The following TAPT1 variants were observed in gnomAD, a reference collection of about 807,000 sequenced individuals.
TAPT1 encodes transmembrane anterior posterior transformation protein 1 homolog.
In TAPT1, 28 loss-of-function variants were observed where a neutral mutation model predicts 65.6. The ratio of observed to expected loss-of-function variants is 0.43; its 90% CI spans 0.32 to 0.59. TAPT1 has a LOEUF of 0.59. Ranked by LOEUF, TAPT1 falls within the 20% of genes least tolerant of loss-of-function variation. The pLI is 0.09. For missense variants in TAPT1, 563 were observed against 679.9 expected (o/e 0.83, Z 1.91); for synonymous variants, 278 against 245.2 (o/e 1.13, Z -1.25).
Position 16,186,761 on chromosome 4 carries a change from A to T in TAPT1, c.846+20T>A, listed in dbSNP as rs1237295825. On this transcript the variant is annotated intron_variant, in intron 6 of 13. Transcript: ENST00000405303. ...AATGCCTGTATAACTTCAAAAATGT[A>T]AGATAAATCTCATACTTACATTATT... The T allele has an allele frequency of 6.5e-7, 1 of 1,546,306 alleles. No homozygotes were observed. The highest frequency in any genetic ancestry group is 8.9e-7 in the Non-Finnish European group (1 of 1,122,096).
intron 12 of TAPT1, among the ~76,000 whole-genome samples, chr4:16,167,134 C>T (rs932234670): frequency 6.6e-6 from 1 of 151,630 alleles, no homozygotes; most frequent in African/African-American, 2.4e-5. Flanking sequence ...GCTGGGATTA[C>T]AGGCATCCGC....
At chr4:16,210,631 G>A (rs1750597344) in intron 2 of TAPT1, among the ~76,000 whole-genome samples, 2 of 152,192 alleles carry the variant, frequency 1.3e-5, no homozygotes. Context: ...CAACTGTGAA[G>A]CCAAGACTCA....
intron 2 of TAPT1, among the ~76,000 whole-genome samples, 162 bp from the exon 3 acceptor site, chr4:16,202,742 T>C (rs1053816772): frequency 8.5e-5 from 13 of 152,168 alleles, no homozygotes; most frequent in Admixed American, 3.3e-4. Flanking sequence ...AAAGAGTGAG[T>C]CTGTGCTTCC....
chr4:16,166,804 A>G lies in TAPT1; in HGVS notation c.1314-11T>C, dbSNP rs1310941037. On this transcript the variant is annotated splice_polypyrimidine_tract_variant and intron_variant, in intron 12 of 13. Coordinates refer to ENST00000405303, the MANE Select transcript of TAPT1 (RefSeq NM_153365.3). ...TTCAGGGATATCAACCTAAAAACAG[A>G]AACAAAACAAACCACATCCGTTGGA... is the stretch of plus-strand genomic sequence containing the variant. 1.2e-6 allele frequency: 2 copies of G among 1,612,352 alleles called. No individual in the cohort carries two copies. Among genetic ancestry groups the G allele is most frequent in the East Asian group, 4.5e-5 (2 of 44,834 alleles).
chr4:16,163,514 A>T lies in TAPT1; in HGVS notation c.1498T>A (p.Ser500Thr), dbSNP rs1408379866. 1 of 1,613,878 alleles carries T rather than the reference A, an allele frequency of 6.2e-7. No homozygotes were observed. Among genetic ancestry groups the T allele is most frequent in the Non-Finnish European group, 8.5e-7 (1 of 1,179,768 alleles). The change falls in exon 14 of 14, where the codon TCT (serine) becomes ACT (threonine). Residue 500 changes from serine (S) to threonine (T), a missense_variant. By Grantham distance (58) the Ser-to-Thr change is moderately conservative. Coordinates refer to ENST00000405303, the MANE Select transcript of TAPT1 (RefSeq NM_153365.3). The part of the protein sequence containing the change: ...SQGLSTEENL[S>T]ASITKQPIHQ... ...ATAGGTTGTTTGGTGATGGAGGCAG[A>T]CAGGTTTTCTTCTGTGGAAAGGCCT...
At position 16,213,927 on chromosome 4, in the gene TAPT1, A is replaced by G. The variant is rs1023940311; in HGVS notation, c.200-29T>C. On this transcript the variant is annotated intron_variant, in intron 1 of 13. Transcript: ENST00000405303. ...CAGAAAAGAAAATGACAGAAAACAAAAAGAACAGTATTTATCAAGGAACTT... is the reference window on the plus strand; with the variant it reads ...CAGAAAAGAAAATGACAGAAAACAAGAAGAACAGTATTTATCAAGGAACTT... 2.5e-6 allele frequency: 4 copies of G among 1,575,480 alleles called. No individual in the cohort carries two copies. In the African/African-American group the frequency reaches 4.2e-5, roughly 16 times the overall value.
chr4:16,223,812 T>C (rs1370111202), intron 1 of TAPT1, among the ~76,000 whole-genome samples: 2 of 152,188 alleles, frequency 1.3e-5, no homozygotes, highest in Non-Finnish European at 2.9e-5. Context: ...ACGTTTTATT[T>C]TATTCAGATG....
At chr4:16,193,195 C>G (rs1241509544) in intron 3 of TAPT1, among the ~76,000 whole-genome samples, 1 of 152,108 alleles carries the variant, frequency 6.6e-6, no homozygotes, top group Admixed American at 6.5e-5. Context: ...AGACTGTTCA[C>G]GAAGGGCTAA....
Position 16,166,684 on chromosome 4 carries a change from T to G in TAPT1, c.1423A>C (p.Thr475Pro), listed in dbSNP as rs1297851595. 1 of 1,613,890 alleles carries G rather than the reference T, an allele frequency of 6.2e-7. No homozygotes were observed. Among genetic ancestry groups the G allele is most frequent in the Non-Finnish European group, 8.5e-7 (1 of 1,179,890 alleles). ...EKLSNPPATC[T>P]PGKPSSKSQN... is the part of the protein sequence containing the mutation. ...GATTTACTGGACGGCTTGCCTGGAGTGCAGGTTGCGGGAGGATTCGACAGC... is the reference window on the plus strand; with the variant it reads ...GATTTACTGGACGGCTTGCCTGGAGGGCAGGTTGCGGGAGGATTCGACAGC... The change falls in exon 13 of 14, where the codon ACT (threonine) becomes CCT (proline). Residue 475 changes from threonine to proline, a missense_variant. By Grantham distance (38) the Thr-to-Pro change is conservative. This residue lies in a region of TAPT1 where 136 missense variants were observed against 153.9 expected (regional missense o/e 0.88). Transcript: ENST00000405303.
At chr4:16,174,450 T>C (rs376104582) in intron 10 of TAPT1, 178 bp from the exon 11 acceptor site, 1 of 691,576 alleles carries the variant, frequency 1.4e-6, no homozygotes, top group East Asian at 2.8e-5. Context: ...AAATACAAAG[T>C]TGAATAACTT....
At chr4:16,174,152 TC>T in intron 11 of TAPT1, 51 bp downstream of exon 11, 2 of 1,305,824 alleles carry the variant, frequency 1.5e-6, no homozygotes, top group Middle Eastern at 1.9e-4. Context: ...TTATTAATAT[TC>T]TATAATGATG....
chr4:16,172,944 C>A (rs936283184), intron 11 of TAPT1, among the ~76,000 whole-genome samples: 4 of 152,046 alleles, frequency 2.6e-5, no homozygotes, highest in Non-Finnish European at 5.9e-5. Flanking sequence ...CTGCCTCAGC[C>A]TCCTAAGTAG....
At chr4:16,174,857 C>A (rs1033804638) in intron 9 of TAPT1, 128 bp from the exon 10 acceptor site, 1 of 607,006 alleles carries the variant, frequency 1.6e-6, no homozygotes, top group East Asian at 3.2e-5. Flanking sequence ...AAGCTGACAT[C>A]TGGGCATAAT....
chr4:16,222,666 G>A (rs780899472), intron 1 of TAPT1, among the ~76,000 whole-genome samples: 5 of 152,156 alleles, frequency 3.3e-5, no homozygotes, highest in Admixed American at 2.6e-4. Context: ...TAAAACCTTC[G>A]TCCCACTCGA....
At chr4:16,216,975 C>T (rs911207507) in intron 1 of TAPT1, among the ~76,000 whole-genome samples, 4 of 152,196 alleles carry the variant, frequency 2.6e-5, no homozygotes, top group African/African-American at 9.7e-5. Flanking sequence ...TGCTTCACAC[C>T]TGCCTCCCCT....
chr4:16,176,914 T>A (rs1748370393), intron 8 of TAPT1: 1 of 152,242 alleles, frequency 6.6e-6, no homozygotes, highest in Admixed American at 6.5e-5. Flanking sequence ...AGAGATGTGC[T>A]GTAGTCTTTG....
intron 9 of TAPT1, 108 bp from the exon 10 acceptor site, chr4:16,174,837 G>T: frequency 1.3e-6 from 1 of 767,956 alleles, no homozygotes; most frequent in South Asian, 2.5e-5. Context: ...AGGAACAAGT[G>T]CTAATAACCA....
chr4:16,164,324 G>C (rs1160118868), intron 13 of TAPT1, among the ~76,000 whole-genome samples: 1 of 152,078 alleles, frequency 6.6e-6, no homozygotes, highest in South Asian at 2.1e-4. Flanking sequence ...GCTGTCTTTT[G>C]TCTCTTTTAC....
intron 3 of TAPT1, chr4:16,196,735 G>A (rs936847654): frequency 4.7e-6 from 6 of 1,275,282 alleles, no homozygotes; most frequent in Non-Finnish European, 5.1e-6. Flanking sequence ...TGATTTACGA[G>A]AGAGAAAGAA....
Sources: gnomAD v4.1 joint callset for allele counts (sites outside exome capture counted in the v4.1 genomes callset) on GRCh38, gnomAD v4.1.1 for gene constraint, gnomAD v4.1.1 regional missense constraint, MANE v1.5 for transcripts, NCBI Gene and HGNC (gene_info 2026-07-23, HGNC 2026-07-21) for gene names.